The following LRRC3B variants were observed in gnomAD, a reference collection of about 807,000 sequenced individuals.
The protein encoded by LRRC3B is leucine-rich repeat-containing protein 3B.
In LRRC3B, 2 loss-of-function variants were observed where a neutral mutation model predicts 12.8. That is an observed-to-expected ratio of 0.16 (90% confidence interval 0.06 to 0.49). LRRC3B has a LOEUF of 0.49. LRRC3B is among the 20% of genes least tolerant of loss of function. LRRC3B has a pLI of 0.96. For missense variants in LRRC3B, 189 were observed against 319.4 expected, an observed-to-expected ratio of 0.59 and a Z score of 3.11; for synonymous variants, 132 against 122.0, an observed-to-expected ratio of 1.08 and a Z score of -0.54.
At chr3:26,701,547 G>GA (rs1700454580) in intron 1 of LRRC3B, among the ~76,000 whole-genome samples, 2 of 152,176 alleles carry the variant, frequency 1.3e-5, no homozygotes, top group South Asian at 4.1e-4. Context: ...CTCGCTCCTT[G>GA]AAAATCTCTT....
intron 1 of LRRC3B, among the ~76,000 whole-genome samples, chr3:26,679,531 T>C: frequency 6.6e-6 from 1 of 152,216 alleles, no homozygotes; most frequent in East Asian, 1.9e-4. Context: ...AAAGATTGTT[T>C]CCTCACTTCA....
chr3:26,707,129 A>G (rs1700612361), intron 1 of LRRC3B, among the ~76,000 whole-genome samples: 1 of 151,614 alleles, frequency 6.6e-6, no homozygotes, highest in Non-Finnish European at 1.5e-5. Context: ...AGGCAGGTAG[A>G]TCACTTAAGG....
chr3:26,706,738 G>C (rs1329345593), intron 1 of LRRC3B, among the ~76,000 whole-genome samples: 1 of 152,194 alleles, frequency 6.6e-6, no homozygotes, highest in African/African-American at 2.4e-5. Context: ...GTATAAAGAA[G>C]CCTGCTGAGG....
At chr3:26,669,729 A>G (rs1699680838) in intron 1 of LRRC3B, among the ~76,000 whole-genome samples, 1 of 152,226 alleles carries the variant, frequency 6.6e-6, no homozygotes, top group Non-Finnish European at 1.5e-5. Flanking sequence ...CCAAAGTTGA[A>G]TCTTACTTAA....
chr3:26,665,438 C>T (rs963171054), intron 1 of LRRC3B, among the ~76,000 whole-genome samples: 5 of 152,080 alleles, frequency 3.3e-5, no homozygotes, highest in African/African-American at 9.7e-5. Context: ...TGCTTTGTCT[C>T]GTTGATGTGT....
At chr3:26,629,098 A>G (rs1210577950) in intron 1 of LRRC3B, among the ~76,000 whole-genome samples, 3 of 152,192 alleles carry the variant, frequency 2.0e-5, no homozygotes, top group Non-Finnish European at 4.4e-5. Context: ...GCTATTCTCA[A>G]CCATGGAGTA....
At chr3:26,708,446 T>C (rs1700660515) in intron 1 of LRRC3B, among the ~76,000 whole-genome samples, 1 of 152,186 alleles carries the variant, frequency 6.6e-6, no homozygotes, top group African/African-American at 2.4e-5. Context: ...TTGATATTAA[T>C]GAGTCAGAAC....
At chr3:26,700,604 T>C (rs964473271) in intron 1 of LRRC3B, among the ~76,000 whole-genome samples, 1 of 152,160 alleles carries the variant, frequency 6.6e-6, no homozygotes, top group Non-Finnish European at 1.5e-5. Flanking sequence ...AGTTCACGAA[T>C]GTAAGGCAAA....
intron 1 of LRRC3B, among the ~76,000 whole-genome samples, chr3:26,674,199 A>C (rs1022853238): frequency 2.0e-5 from 3 of 152,258 alleles, no homozygotes; most frequent in African/African-American, 7.2e-5. Flanking sequence ...AAAGTTAATC[A>C]ATCAATGGAG....
intron 1 of LRRC3B, among the ~76,000 whole-genome samples, chr3:26,703,354 T>C (rs1700506031): frequency 6.6e-6 from 1 of 152,116 alleles, no homozygotes; most frequent in Non-Finnish European, 1.5e-5. Flanking sequence ...CAAATGAGAA[T>C]AAGCAAATGC....
intron 1 of LRRC3B, among the ~76,000 whole-genome samples, chr3:26,659,527 A>G (rs562516869): frequency 2.0e-5 from 3 of 152,224 alleles, no homozygotes; most frequent in African/African-American, 7.2e-5. Context: ...TAAGAATTCA[A>G]TGGAAACTCA....
At chr3:26,686,982 C>T (rs1349610701) in intron 1 of LRRC3B, among the ~76,000 whole-genome samples, 1 of 152,124 alleles carries the variant, frequency 6.6e-6, no homozygotes, top group East Asian at 1.9e-4. Flanking sequence ...AGAGACAATC[C>T]CCGAATGGGT....
At chr3:26,626,182 T>A (rs916030600) in intron 1 of LRRC3B, among the ~76,000 whole-genome samples, 1 of 152,220 alleles carries the variant, frequency 6.6e-6, no homozygotes, top group Non-Finnish European at 1.5e-5. Context: ...GGGTACACCT[T>A]GGTATAGTGG....
chr3:26,708,591 G>A (rs543584524), intron 1 of LRRC3B, among the ~76,000 whole-genome samples: 3 of 152,220 alleles, frequency 2.0e-5, no homozygotes, highest in South Asian at 4.2e-4. Flanking sequence ...CTATATTAAA[G>A]GGTAATTTTG....
intron 1 of LRRC3B, among the ~76,000 whole-genome samples, chr3:26,706,355 CT>C (rs2125463744): frequency 6.6e-6 from 1 of 152,280 alleles, no homozygotes; most frequent in South Asian, 2.1e-4. Flanking sequence ...CATCCTGCAT[CT>C]TTTGTCACTT....
At chr3:26,633,413 A>C (rs1333171676) in intron 1 of LRRC3B, among the ~76,000 whole-genome samples, 1 of 152,228 alleles carries the variant, frequency 6.6e-6, no homozygotes, top group South Asian at 2.1e-4. Context: ...AGTATCTGGC[A>C]CATGAGAAGT....
chr3:26,687,138 G>A (rs1700104506), intron 1 of LRRC3B, among the ~76,000 whole-genome samples: 1 of 152,106 alleles, frequency 6.6e-6, no homozygotes, highest in African/African-American at 2.4e-5. Context: ...TTTCTTATAA[G>A]TGCAGGGAGA....
intron 1 of LRRC3B, among the ~76,000 whole-genome samples, chr3:26,680,094 C>G (rs535163228): frequency 6.6e-6 from 1 of 152,288 alleles, no homozygotes; most frequent in Admixed American, 6.5e-5. Flanking sequence ...CACAGTAGGT[C>G]TGAGACAGGG....
At chr3:26,697,631 C>T (rs149698077) in intron 1 of LRRC3B, among the ~76,000 whole-genome samples, 76 of 152,210 alleles carry the variant, frequency 5.0e-4, no homozygotes, top group African/African-American at 1.8e-3. Flanking sequence ...AGATTTACAT[C>T]CATCCTCCAT....
Sources: gnomAD v4.1 joint callset for allele counts (sites outside exome capture counted in the v4.1 genomes callset) on GRCh38, gnomAD v4.1.1 for gene constraint, MANE v1.5 for transcripts, NCBI Gene and HGNC (gene_info 2026-07-23, HGNC 2026-07-21) for gene names.